Variants in TRHDE observed in about 807,000 individuals in gnomAD.
TRHDE encodes the protein thyrotropin-releasing hormone-degrading ectoenzyme.
TRHDE carries 72 observed loss-of-function variants against 125.7 expected under a neutral mutation model. The ratio of observed to expected loss-of-function variants is 0.57; its 90% CI spans 0.47 to 0.70. The LOEUF is 0.70. Among genes scored for constraint, TRHDE ranks in the 30% least tolerant of loss-of-function variants. The probability of loss-of-function intolerance (pLI) is 0.00; values close to 1 mark genes in which losing one functional copy is unlikely to be tolerated. For synonymous variants in TRHDE, 509 were observed against 509.1 expected (o/e 1.00, Z 0.00); for missense variants, 1,110 against 1,327.1 (o/e 0.84, Z 2.54).
chr12:72,517,807 C>A (rs1233248849), intron 6 of TRHDE, among the ~76,000 whole-genome samples: 1 of 151,676 alleles, frequency 6.6e-6, no homozygotes, highest in Non-Finnish European at 1.5e-5. Context: ...CCTCTACACA[C>A]TGCTTTGAAT....
At chr12:72,372,710 CA>C in intron 2 of TRHDE, among the ~76,000 whole-genome samples, 2 of 152,196 alleles carry the variant, frequency 1.3e-5, no homozygotes, top group South Asian at 4.2e-4. Flanking sequence ...AGATATGCGG[CA>C]CTATTTCTGA....
At chr12:72,350,600 G>A (rs1870538416) in intron 2 of TRHDE, among the ~76,000 whole-genome samples, 1 of 151,956 alleles carries the variant, frequency 6.6e-6, no homozygotes, top group South Asian at 2.1e-4. Flanking sequence ...ATTCCAGAAG[G>A]TGGTTGGGAT....
At chr12:72,381,610 A>T (rs987046879) in intron 3 of TRHDE, among the ~76,000 whole-genome samples, 2 of 151,902 alleles carry the variant, frequency 1.3e-5, no homozygotes, top group East Asian at 1.9e-4. Context: ...TTTAGCCGGG[A>T]TGGTCTCGAT....
intron 15 of TRHDE, among the ~76,000 whole-genome samples, chr12:72,641,367 G>A (rs1874052796): frequency 6.6e-6 from 1 of 152,002 alleles, no homozygotes; most frequent in Admixed American, 6.6e-5. Context: ...AATTATAAAA[G>A]TTATTAAAGG....
chr12:72,295,403 A>G (rs1352817334), intron 2 of TRHDE, among the ~76,000 whole-genome samples: 1 of 152,148 alleles, frequency 6.6e-6, no homozygotes, highest in African/African-American at 2.4e-5. Flanking sequence ...TCACTATGAT[A>G]GGAACATGGT....
intron 12 of TRHDE, among the ~76,000 whole-genome samples, chr12:72,577,494 G>A (rs944886577): frequency 6.6e-6 from 1 of 152,048 alleles, no homozygotes; most frequent in Non-Finnish European, 1.5e-5. Flanking sequence ...AGAAGTAATA[G>A]TATTTATTGT....
intron 3 of TRHDE, among the ~76,000 whole-genome samples, chr12:72,414,897 G>A (rs1873667312): frequency 6.6e-6 from 1 of 152,002 alleles, no homozygotes; most frequent in African/African-American, 2.4e-5. Context: ...AAAAAACTGC[G>A]ATTCAGAAAA....
chr12:72,178,208 T>C (rs1463992116), intron 2 of TRHDE, among the ~76,000 whole-genome samples: 1 of 152,076 alleles, frequency 6.6e-6, no homozygotes, highest in African/African-American at 2.4e-5. Context: ...CTTAGTTTGG[T>C]AGCATGGTGG....
chr12:72,303,259 CT>C (rs895141124), intron 2 of TRHDE: 3 of 152,064 alleles, frequency 2.0e-5, no homozygotes, highest in Admixed American at 1.3e-4. Context: ...TAAACATTCC[CT>C]TTTAATATTA....
chr12:72,272,719 AAGG>A lies in TRHDE; in HGVS notation c.98_100del (p.Glu33del), dbSNP rs35448406. On this transcript the variant is annotated inframe_deletion, in exon 1 of 19. Transcript: ENST00000261180. This position sits in a 1 kb window ranked among gnomAD's most constrained non-coding sequence, Gnocchi z 6.7. ...GAAGAAAAAGAAGAGGAAGAAGAAG[AAGG>A]AGGAGGAGGAGGAGGAGGAGGGGGC... The A allele has an allele frequency of 1.4e-3, 1,419 of 999,942 alleles. 6 individuals carry two copies. In the African/African-American group the frequency reaches 0.017, roughly 12 times the overall value. 61.9% of individuals were successfully genotyped at this position (999,942 alleles called of 1,614,324 possible). A position where few individuals can be genotyped will look rare whatever the true frequency, so the allele number is the denominator to read the frequency against.
chr12:72,366,617 T>A (rs1871349582), intron 2 of TRHDE, among the ~76,000 whole-genome samples: 1 of 151,982 alleles, frequency 6.6e-6, no homozygotes, highest in Non-Finnish European at 1.5e-5. Flanking sequence ...AAACTTAAAG[T>A]CTTGTAGAAA....
At chr12:72,558,255 C>G (rs1870015077) in intron 7 of TRHDE, among the ~76,000 whole-genome samples, 1 of 152,004 alleles carries the variant, frequency 6.6e-6, no homozygotes, top group Non-Finnish European at 1.5e-5. Flanking sequence ...AGATATTTAA[C>G]TTAGGAAGGA....
chr12:72,272,478 T>G lies in TRHDE; in HGVS notation c.-166T>G. On this transcript the variant is annotated 5_prime_UTR_variant, in exon 1 of 19. Coordinates refer to ENST00000261180, the MANE Select transcript of TRHDE (RefSeq NM_013381.3). This position sits in a 1 kb window ranked among gnomAD's most constrained non-coding sequence, Gnocchi z 6.7. ...CGGGGCTGATGGGGGTCGCGGAAGC[T>G]GCCGTCGCTTGTGTCCAGAACCCGT... is the stretch of plus-strand genomic sequence containing the variant. 1 of 522,656 alleles carries G rather than the reference T, an allele frequency of 1.9e-6. No homozygotes were observed. The highest frequency in any genetic ancestry group is 3.3e-5 in the East Asian group (1 of 30,596). The allele number at this position is 522,656 out of a possible 1,614,324, so 32.4% of individuals were successfully genotyped here.
At chr12:72,446,150 CTT>C (rs34777250) in intron 3 of TRHDE, among the ~76,000 whole-genome samples, 11 of 133,264 alleles carry the variant, frequency 8.3e-5, no homozygotes, top group Admixed American at 1.5e-4. Context: ...TTGTGCATTT[CTT>C]TTTTTTTTTT....
rs1875137162 is a variant in TRHDE, at chr12:72,667,034, A to T, written c.*3839A>T. The T allele has an allele frequency of 5.3e-5, 8 of 152,140 alleles. No homozygotes were observed. The South Asian group carries it at 1.7e-3, about 32-fold the overall frequency. The allele number at this position is 152,140 out of a possible 1,614,324, so 9.4% of individuals were successfully genotyped here. The stretch of plus-strand genomic sequence containing the variant: ...ATTGTGTGCATCTCAATCAGTAAAA[A>T]TAATATTCAGTAAAATGTCTATAAA... On this transcript the variant is annotated 3_prime_UTR_variant, in exon 19 of 19. Coordinates refer to ENST00000261180, the MANE Select transcript of TRHDE (RefSeq NM_013381.3).
intron 3 of TRHDE, among the ~76,000 whole-genome samples, chr12:72,456,243 A>G (rs1875847016): frequency 6.6e-6 from 1 of 151,210 alleles, no homozygotes; most frequent in Non-Finnish European, 1.5e-5. Flanking sequence ...ATTTTGGGGC[A>G]TTCCCTGGTC....
chr12:72,224,050 T>G (rs568980776), intron 2 of TRHDE, among the ~76,000 whole-genome samples: 140 of 151,258 alleles, frequency 9.3e-4, no homozygotes, highest in Non-Finnish European at 1.6e-3. Flanking sequence ...GAACTAATTA[T>G]GTATATGTGT....
At chr12:72,110,726 G>T (rs568091640) in intron 2 of TRHDE, among the ~76,000 whole-genome samples, 3 of 152,238 alleles carry the variant, frequency 2.0e-5, no homozygotes, top group African/African-American at 7.2e-5. Context: ...TATTCCATAT[G>T]AACTGTGGGT....
intron 15 of TRHDE, among the ~76,000 whole-genome samples, chr12:72,627,017 TA>T (rs1219500228): frequency 6.6e-6 from 1 of 151,980 alleles, no homozygotes; most frequent in Non-Finnish European, 1.5e-5. Context: ...TCTAGTGCTG[TA>T]ACCAGCATAG....
Sources: gnomAD v4.1 joint callset for allele counts (sites outside exome capture counted in the v4.1 genomes callset) on GRCh38, gnomAD v4.1.1 for gene constraint, Gnocchi (gnomAD v3.1) non-coding constraint, MANE v1.5 for transcripts, NCBI Gene and HGNC (gene_info 2026-07-23, HGNC 2026-07-21) for gene names.